Variants in GABRA1 observed in about 807,000 individuals in gnomAD.
The protein encoded by GABRA1 is gamma-aminobutyric acid type A receptor subunit alpha1, also known as gamma-aminobutyric acid receptor subunit alpha-1.
Under a neutral mutation model 48.9 loss-of-function variants are expected in GABRA1, and 9 were observed. That is an observed-to-expected ratio of 0.18 (90% CI 0.11 to 0.32). GABRA1 has a LOEUF of 0.32. GABRA1 is among the 10% of genes least tolerant of loss of function. The pLI, the probability that GABRA1 is intolerant of heterozygous loss-of-function variation, is 1.00. For synonymous variants in GABRA1, 210 were observed against 198.7 expected (o/e 1.06, Z -0.48); for missense variants, 285 against 553.8 (o/e 0.51, Z 4.87).
chr5:161,869,713 T>G (rs1053124167), intron 4 of GABRA1, among the ~76,000 whole-genome samples: 2 of 151,952 alleles, frequency 1.3e-5, no homozygotes, highest in Non-Finnish European at 2.9e-5. Context: ...ATCTTCAGAC[T>G]AAGACTCACA....
intron 4 of GABRA1, among the ~76,000 whole-genome samples, chr5:161,869,339 A>G (rs1754008913): frequency 6.6e-6 from 1 of 152,190 alleles, no homozygotes; most frequent in Non-Finnish European, 1.5e-5. Context: ...GCTAAGTATT[A>G]TTCTTGTCTA....
chr5:161,886,819 T>C (rs1351092540), intron 7 of GABRA1, among the ~76,000 whole-genome samples: 1 of 151,894 alleles, frequency 6.6e-6, no homozygotes, highest in Non-Finnish European at 1.5e-5. Context: ...AAAGCTAGTG[T>C]AAGGGAACTA....
At chr5:161,872,918 T>A (rs1754185183) in intron 4 of GABRA1, 199 bp from the exon 5 acceptor site, 1 of 570,328 alleles carries the variant, frequency 1.8e-6, no homozygotes, top group Non-Finnish European at 3.1e-6. Context: ...TTTTAGATAT[T>A]TTTTTTAAAA....
Position 161,893,243 on chromosome 5 carries a change from T to C in GABRA1, c.856+2193T>C, listed in dbSNP as rs529411843. Among the ~76,000 whole-genome samples, 7 of 152,108 alleles carry C rather than the reference T, an allele frequency of 4.6e-5. No homozygotes were observed. The South Asian group carries it at 1.5e-3, about 32-fold the overall frequency. The stretch of plus-strand genomic sequence containing the variant: ...ACATTGCTCTTAACTTTTTCAGCAA[T>C]CTTATATCTCAACAGACTCATGGCC... On this transcript the variant is annotated intron_variant, in intron 8 of 9. Transcript: ENST00000393943.
intron 3 of GABRA1, among the ~76,000 whole-genome samples, chr5:161,863,065 C>T (rs1267747377): frequency 6.6e-6 from 1 of 151,776 alleles, no homozygotes; most frequent in Non-Finnish European, 1.5e-5. Context: ...TATTTCAAAA[C>T]TTATCAGCAA....
Position 161,897,186 on chromosome 5 carries a change from T to G in GABRA1, c.1135T>G (p.Leu379Val). 1.2e-5 allele frequency: 19 copies of G among 1,614,018 alleles called. No individual in the cohort carries two copies. Among genetic ancestry groups the G allele is most frequent in the Non-Finnish European group, 1.4e-5 (17 of 1,180,000 alleles). ...APTATSYTPN[L>V]ARGDPGLATI... is the part of the protein sequence containing the mutation. Reference sequence around the variant, plus strand: ...AACAGCAACCAGCTACACCCCTAATTTGGCCAGGGGCGACCCGGGCTTAGC... The same window carrying G: ...AACAGCAACCAGCTACACCCCTAATGTGGCCAGGGGCGACCCGGGCTTAGC... The change falls in exon 10 of 10, where the codon TTG (leucine) becomes GTG (valine). Residue 379 changes from leucine (L) to valine (V), a missense_variant. By Grantham distance (32) the Leu-to-Val change is conservative (BLOSUM62 1). Around this residue, in one of 6 missense-constraint regions of GABRA1, gnomAD observed 99 missense variants for 94.2 expected, o/e 1.05. Coordinates refer to ENST00000393943, the MANE Select transcript of GABRA1 (RefSeq NM_001127644.2).
Position 161,898,431 on chromosome 5 carries a change from A to G in GABRA1, c.*1009A>G, listed in dbSNP as rs142860832. On this transcript the variant is annotated 3_prime_UTR_variant, in exon 10 of 10. Coordinates refer to ENST00000393943, the MANE Select transcript of GABRA1 (RefSeq NM_001127644.2). ...ATATATAAACGATATATGTAAATAT[A>G]CAGCATGAGATTGTACATTTTTTAC... 14 of 152,622 alleles carry G rather than the reference A, an allele frequency of 9.2e-5. No homozygotes were observed. Among genetic ancestry groups the G allele is most frequent in the African/African-American group, 3.4e-4 (14 of 41,468 alleles). The allele number at this position is 152,622 out of a possible 1,614,324, so 9.5% of individuals were successfully genotyped here.
chr5:161,889,736 C>A (rs1755007149), intron 7 of GABRA1, among the ~76,000 whole-genome samples: 1 of 151,960 alleles, frequency 6.6e-6, no homozygotes, highest in Non-Finnish European at 1.5e-5. Flanking sequence ...AAGAGAGGGG[C>A]AGCTGTTTGC....
intron 3 of GABRA1, among the ~76,000 whole-genome samples, chr5:161,857,341 C>T (rs1269289690): frequency 6.6e-6 from 1 of 151,416 alleles, no homozygotes; most frequent in Admixed American, 6.6e-5. Flanking sequence ...CAAGAAACTC[C>T]TGTATTTGCA....
At chr5:161,867,447 G>T (rs1393366703) in intron 4 of GABRA1, among the ~76,000 whole-genome samples, 2 of 152,084 alleles carry the variant, frequency 1.3e-5, no homozygotes, top group Non-Finnish European at 2.9e-5. Context: ...GGCTGGCTCT[G>T]GGATTCAAGC....
intron 6 of GABRA1, among the ~76,000 whole-genome samples, chr5:161,880,664 A>G (rs534487785): frequency 1.3e-5 from 2 of 152,322 alleles, no homozygotes; most frequent in South Asian, 2.1e-4. Flanking sequence ...TGCAGAAGTG[A>G]TATTGGAACT....
intron 8 of GABRA1, among the ~76,000 whole-genome samples, chr5:161,893,018 T>A (rs199968598): frequency 0.018 from 1,470 of 83,146 alleles, 22 homozygotes; most frequent in African/African-American, 0.02. Context: ...AAAATAATAA[T>A]AATAATAATA....
At chr5:161,850,954 A>G in intron 2 of GABRA1, 70 bp downstream of exon 2, 1 of 1,309,242 alleles carries the variant, frequency 7.6e-7, no homozygotes, top group East Asian at 2.3e-5. Context: ...CGGGGGAAGA[A>G]AATTGTCCTC....
At position 161,897,179 on chromosome 5, in the gene GABRA1, C is replaced by G. The variant is rs765261463; in HGVS notation, c.1128C>G (p.Thr376=). The G allele has an allele frequency of 6.2e-7, 1 of 1,613,920 alleles. No homozygotes were observed. The highest frequency in any genetic ancestry group is 1.3e-5 in the African/African-American group (1 of 74,886). The change falls in exon 10 of 10, where the codon ACC becomes ACG. Residue 376 remains threonine, a synonymous_variant. Transcript: ENST00000393943. ...ACGCTCCAACAGCAACCAGCTACACCCCTAATTTGGCCAGGGGCGACCCGG... is the reference window on the plus strand; with the variant it reads ...ACGCTCCAACAGCAACCAGCTACACGCCTAATTTGGCCAGGGGCGACCCGG... ...NTYAPTATSY[T]PNLARGDPGL... is the part of the protein sequence containing the mutation.
chr5:161,866,034 T>A (rs1219524852), intron 4 of GABRA1, among the ~76,000 whole-genome samples: 1 of 152,064 alleles, frequency 6.6e-6, no homozygotes, highest in Admixed American at 6.6e-5. Flanking sequence ...TAAAAAATAT[T>A]TTAAATGATT....
chr5:161,875,881 C>T (rs1412047380), intron 6 of GABRA1, among the ~76,000 whole-genome samples: 1 of 152,070 alleles, frequency 6.6e-6, no homozygotes, highest in African/African-American at 2.4e-5. Context: ...TGAAATAATT[C>T]TATTTATGCT....
At position 161,897,522 on chromosome 5, in the gene GABRA1, G is replaced by T; in HGVS notation, c.*100G>T. ...TCTGCTTTATTGCCTCTGTCTTAAA[G>T]AATTTGAAAGTTTCCTTATTTTCAT... is the stretch of plus-strand genomic sequence containing the variant. On this transcript the variant is annotated 3_prime_UTR_variant, in exon 10 of 10. Coordinates refer to ENST00000393943, the MANE Select transcript of GABRA1 (RefSeq NM_001127644.2). 1.8e-6 allele frequency: 2 copies of T among 1,141,538 alleles called. No individual in the cohort carries two copies. The highest frequency in any genetic ancestry group is 2.6e-6 in the Non-Finnish European group (2 of 774,978). The allele number at this position is 1,141,538 out of a possible 1,614,324, so 70.7% of individuals were successfully genotyped here.
rs116228274 is a variant in GABRA1 at position 161,849,459 on chromosome 5, C to A, written c.-16+1037C>A. On this transcript the variant is annotated intron_variant, in intron 1 of 9. Transcript: ENST00000393943. ...TGTTTCAAAACCAGTCACTAAATTA[C>A]TAAATTAAGGAAAAGCTATGACGAG... 6.9e-3 allele frequency among the ~76,000 whole-genome samples: 1,051 copies of A among 152,228 alleles called. 13 individuals carry two copies. Among genetic ancestry groups the A allele is most frequent in the African/African-American group, 0.024 (997 of 41,542 alleles).
intron 4 of GABRA1, 23 bp downstream of exon 4, chr5:161,865,811 C>G (rs976860900): frequency 1.3e-6 from 2 of 1,596,886 alleles, no homozygotes; most frequent in Non-Finnish European, 8.6e-7. Context: ...TTTATCTTTG[C>G]TTTTCTTGAA....
Sources: gnomAD v4.1 joint callset for allele counts (sites outside exome capture counted in the v4.1 genomes callset) on GRCh38, gnomAD v4.1.1 for gene constraint, gnomAD v4.1.1 regional missense constraint, MANE v1.5 for transcripts, NCBI Gene and HGNC (gene_info 2026-07-23, HGNC 2026-07-21) for gene names.